Variants in CCDC171 observed in about 807,000 individuals in gnomAD.
CCDC171 encodes the protein coiled-coil domain-containing protein 171.
A neutral mutation model predicts 168.2 loss-of-function variants in CCDC171; 177 were observed. That is an observed-to-expected ratio of 1.05 (90% CI 0.93 to 1.19). The LOEUF is 1.19. Among genes scored for constraint, CCDC171 ranks in the 50% most tolerant of loss-of-function variants. The pLI, the probability that CCDC171 is intolerant of heterozygous loss-of-function variation, is 0.00. For synonymous variants in CCDC171, 687 were observed against 540.8 expected (o/e 1.27, Z -3.75); for missense variants, 1,991 against 1,539.0 (o/e 1.29, Z -4.91).
At chr9:15,621,693 C>T (rs2044519898) in intron 6 of CCDC171, among the ~76,000 whole-genome samples, 1 of 152,132 alleles carries the variant, frequency 6.6e-6, no homozygotes, top group African/African-American at 2.4e-5. Context: ...AATGTAAGTT[C>T]ATTCAACCAT....
At chr9:15,810,777 C>G (rs1029283707) in intron 21 of CCDC171, among the ~76,000 whole-genome samples, 1 of 152,194 alleles carries the variant, frequency 6.6e-6, no homozygotes, top group African/African-American at 2.4e-5. Flanking sequence ...TTCCCGCCTG[C>G]GCCTCTCCCT....
chr9:15,881,191 C>T (rs1243616032), intron 24 of CCDC171, among the ~76,000 whole-genome samples: 1 of 152,152 alleles, frequency 6.6e-6, no homozygotes, highest in Non-Finnish European at 1.5e-5. Context: ...CTGAAGATTT[C>T]ATATTGCACA....
chr9:15,672,208 TC>T (rs1251764473), intron 9 of CCDC171, among the ~76,000 whole-genome samples: 3 of 152,232 alleles, frequency 2.0e-5, no homozygotes, highest in African/African-American at 7.2e-5. Context: ...TTTGTTTTTT[TC>T]TTGTAAATTT....
intron 6 of CCDC171, among the ~76,000 whole-genome samples, chr9:15,620,157 A>G (rs1360814691): frequency 1.3e-5 from 2 of 152,248 alleles, no homozygotes; most frequent in African/African-American, 2.4e-5. Flanking sequence ...TCTGCAGCAC[A>G]TGCATCAATG....
intron 6 of CCDC171, among the ~76,000 whole-genome samples, chr9:16,032,199 C>G (rs1252646542): frequency 3.3e-5 from 5 of 152,090 alleles, no homozygotes; most frequent in Admixed American, 3.3e-4. Context: ...AACATTCAAG[C>G]GGGAAGGGCC....
intron 21 of CCDC171, among the ~76,000 whole-genome samples, chr9:15,802,054 A>T (rs553237785): frequency 2.3e-4 from 35 of 152,044 alleles, no homozygotes; most frequent in African/African-American, 8.4e-4. Flanking sequence ...CTCAATATTC[A>T]TAATAAATAT....
At chr9:15,752,740 C>T (rs112137503) in intron 18 of CCDC171, among the ~76,000 whole-genome samples, 19 of 151,990 alleles carry the variant, frequency 1.3e-4, no homozygotes, top group African/African-American at 4.1e-4. Context: ...CAGGGCTTGT[C>T]GGGGGTGTGG....
chr9:15,908,230 C>T (rs10756717), intron 24 of CCDC171, among the ~76,000 whole-genome samples: 55,619 of 151,976 alleles, frequency 0.37, 10,893 homozygotes, highest in East Asian at 0.62. Flanking sequence ...GCACTATTCA[C>T]GATAGCAAAG....
chr9:15,565,181 C>G (rs896880223), intron 2 of CCDC171, among the ~76,000 whole-genome samples: 1 of 151,420 alleles, frequency 6.6e-6, no homozygotes, highest in African/African-American at 2.4e-5. Context: ...CTCCGCCTCC[C>G]GAGTTCAAGT....
intron 25 of CCDC171, among the ~76,000 whole-genome samples, chr9:15,923,088 GTTGTA>G (rs1207602395): frequency 6.6e-6 from 1 of 151,112 alleles, no homozygotes; most frequent in Non-Finnish European, 1.5e-5. Context: ...TCTGTTTTTG[GTTGTA>G]TTGCATATAA....
chr9:15,664,661 C>T (rs2048592309), intron 8 of CCDC171, among the ~76,000 whole-genome samples: 1 of 149,820 alleles, frequency 6.7e-6, no homozygotes, highest in African/African-American at 2.5e-5. Context: ...GTTTATTCAT[C>T]CTATGGTTGG....
At chr9:16,077,830 T>G in the CCDC171 span, among the ~76,000 whole-genome samples, 28 of 152,234 alleles carry the variant, frequency 1.8e-4, no homozygotes, top group African/African-American at 5.5e-4. Context: ...CATACACTTC[T>G]GTTTTTTAAG....
At chr9:15,672,119 CAT>C (rs1310019213) in intron 9 of CCDC171, among the ~76,000 whole-genome samples, 1 of 152,180 alleles carries the variant, frequency 6.6e-6, no homozygotes, top group Non-Finnish European at 1.5e-5. Flanking sequence ...AGCGTTTTTT[CAT>C]ATGTCTGTTG....
chr9:15,828,333 G>GAAA (rs71325935), intron 21 of CCDC171, among the ~76,000 whole-genome samples: 12 of 147,818 alleles, frequency 8.1e-5, no homozygotes, highest in Admixed American at 2.7e-4. Flanking sequence ...AGAAGATACA[G>GAAA]AAAAAAAAAA....
chr9:15,863,149 G>T (rs2061630046), intron 23 of CCDC171, among the ~76,000 whole-genome samples: 1 of 152,016 alleles, frequency 6.6e-6, no homozygotes, highest in Admixed American at 6.6e-5. Context: ...GTAGAACTCT[G>T]AAGAGTGGGA....
At chr9:15,901,265 G>A (rs1821617576) in intron 24 of CCDC171, among the ~76,000 whole-genome samples, 1 of 152,144 alleles carries the variant, frequency 6.6e-6, no homozygotes, top group Non-Finnish European at 1.5e-5. Flanking sequence ...ACTAATAATA[G>A]TGAATACATG....
intron 24 of CCDC171, chr9:15,887,657 A>C (rs927537626): frequency 1.3e-5 from 2 of 152,158 alleles, no homozygotes; most frequent in Non-Finnish European, 2.9e-5. Flanking sequence ...CTTTATCTGA[A>C]ATAAAAGATT....
intron 18 of CCDC171, among the ~76,000 whole-genome samples, chr9:15,753,099 C>A (rs914913747): frequency 6.6e-6 from 1 of 152,128 alleles, no homozygotes; most frequent in Middle Eastern, 3.4e-3. Context: ...TGTTAGAGAA[C>A]AATAATGACA....
intron 16 of CCDC171, among the ~76,000 whole-genome samples, chr9:15,734,235 A>G (rs1384635824): frequency 6.6e-6 from 1 of 152,208 alleles, no homozygotes; most frequent in East Asian, 1.9e-4. Context: ...GTAAAAGTAC[A>G]TTACTATTAT....
Sources: gnomAD v4.1 joint callset for allele counts (sites outside exome capture counted in the v4.1 genomes callset) on GRCh38, gnomAD v4.1.1 for gene constraint, MANE v1.5 for transcripts, NCBI Gene and HGNC (gene_info 2026-07-23, HGNC 2026-07-21) for gene names.